The following DOCK7 variants were observed in gnomAD, a reference collection of about 807,000 sequenced individuals.
DOCK7 encodes the protein dedicator of cytokinesis protein 7.
A neutral mutation model predicts 271.0 loss-of-function variants in DOCK7; 138 were observed. The ratio of observed to expected loss-of-function variants is 0.51; its 90% CI spans 0.44 to 0.59. The LOEUF (loss-of-function observed/expected upper bound fraction) is 0.59. DOCK7 is among the 20% of genes least tolerant of loss of function. The probability of loss-of-function intolerance (pLI) is 0.00; values close to 1 mark genes in which losing one functional copy is unlikely to be tolerated. For synonymous variants in DOCK7, 823 were observed against 876.1 expected (o/e 0.94, Z 1.07); for missense variants, 2,066 against 2,592.4 (o/e 0.80, Z 4.41).
chr1:62,616,311 T>C (rs1263491012), intron 14 of DOCK7, among the ~76,000 whole-genome samples: 2 of 151,706 alleles, frequency 1.3e-5, no homozygotes, highest in African/African-American at 4.8e-5. Context: ...TCTTTTTCCA[T>C]TAATTCACAG....
At chr1:62,490,402 C>CT (rs1367742475) in intron 41 of DOCK7, among the ~76,000 whole-genome samples, 8 of 152,038 alleles carry the variant, frequency 5.3e-5, no homozygotes, top group Non-Finnish European at 8.8e-5. Context: ...TTGACCCAGC[C>CT]TTTATCTTTA....
intron 33 of DOCK7, among the ~76,000 whole-genome samples, chr1:62,511,887 A>T (rs1168044): frequency 6.6e-6 from 1 of 151,744 alleles, no homozygotes; most frequent in Non-Finnish European, 1.5e-5. Flanking sequence ...GTTAAGAAAA[A>T]GAAAACAATG....
intron 18 of DOCK7, among the ~76,000 whole-genome samples, chr1:62,573,818 C>T (rs1305213186): frequency 6.6e-6 from 1 of 151,954 alleles, no homozygotes; most frequent in Non-Finnish European, 1.5e-5. Flanking sequence ...TGTTCAGTCA[C>T]CCAGGCTGGA....
chr1:62,553,348 ATATATATTTT>A (rs1646009005), intron 21 of DOCK7, among the ~76,000 whole-genome samples: 1 of 22,620 alleles, frequency 4.4e-5, no homozygotes, highest in Admixed American at 8.2e-4. Flanking sequence ...ATATATATAT[ATATATATTTT>A]TTTTTTTTTT....
chr1:62,479,734 A>G, intron 43 of DOCK7: 2 of 385,610 alleles, frequency 5.2e-6, no homozygotes, highest in Non-Finnish European at 1.1e-5. Context: ...CCCAGACTGG[A>G]ATACAGTGGT....
At chr1:62,642,958 C>G (rs1656217969) in intron 7 of DOCK7, among the ~76,000 whole-genome samples, 1 of 152,104 alleles carries the variant, frequency 6.6e-6, no homozygotes, top group Admixed American at 6.6e-5. Context: ...TTCAGGCTAC[C>G]CTTGTGATTT....
At chr1:62,602,984 A>T (rs1374487984) in intron 14 of DOCK7, among the ~76,000 whole-genome samples, 1 of 151,736 alleles carries the variant, frequency 6.6e-6, no homozygotes, top group Non-Finnish European at 1.5e-5. Flanking sequence ...TCCATGAATG[A>T]TGTCTAAGTA....
intron 16 of DOCK7, 140 bp downstream of exon 16, chr1:62,583,044 G>A (rs1647185053): frequency 3.3e-6 from 2 of 604,914 alleles, no homozygotes; most frequent in Admixed American, 2.8e-5. Flanking sequence ...TGCATCCACA[G>A]GTTGAAAATT....
At chr1:62,477,387 C>G (rs555994537) in intron 44 of DOCK7, among the ~76,000 whole-genome samples, 44 of 152,200 alleles carry the variant, frequency 2.9e-4, no homozygotes, top group South Asian at 1.5e-3. Flanking sequence ...CTACTTAATT[C>G]TTTGTCTTTT....
chr1:62,553,312 T>TATATA (rs1553168301), intron 21 of DOCK7, among the ~76,000 whole-genome samples: 5 of 20,584 alleles, frequency 2.4e-4, no homozygotes, highest in African/African-American at 1.0e-3. Flanking sequence ...AAAAAGTATT[T>TATATA]TATATATATA....
intron 42 of DOCK7, chr1:62,488,606 G>C (rs1159612306): frequency 4.0e-6 from 1 of 250,936 alleles, no homozygotes; most frequent in East Asian, 1.1e-4. Flanking sequence ...CAAAGGAATA[G>C]GTATCAATTT....
intron 14 of DOCK7, among the ~76,000 whole-genome samples, chr1:62,614,164 C>T (rs573301954): frequency 6.6e-6 from 1 of 152,122 alleles, no homozygotes; most frequent in African/African-American, 2.4e-5. Context: ...TTATCATCAC[C>T]ATGATCCAGC....
chr1:62,666,320 CAT>C (rs1162609501), intron 1 of DOCK7, among the ~76,000 whole-genome samples: 2 of 151,962 alleles, frequency 1.3e-5, no homozygotes, highest in Non-Finnish European at 1.5e-5. Flanking sequence ...AATAATGAAA[CAT>C]AGTTACTTCA....
chr1:62,652,648 G>C (rs1449467383), intron 4 of DOCK7, among the ~76,000 whole-genome samples: 1 of 152,110 alleles, frequency 6.6e-6, no homozygotes, highest in Non-Finnish European at 1.5e-5. Context: ...AGAAGTAGCA[G>C]ATTTCCATGA....
chr1:62,540,315 A>G (rs1645487924), intron 25 of DOCK7, among the ~76,000 whole-genome samples: 1 of 152,060 alleles, frequency 6.6e-6, no homozygotes, highest in Non-Finnish European at 1.5e-5. Context: ...CTAGGACTAC[A>G]GGTGCACACT....
At position 62,496,585 on chromosome 1, in the gene DOCK7, G is replaced by A. The variant is rs1297638203; in HGVS notation, c.4765-88C>T. ...TTTCCTTGCTAAAAGTATATTTAGT[G>A]AAAAAATACCATTCTAAGCAAAATA... is the stretch of plus-strand genomic sequence containing the variant. On this transcript the variant is annotated intron_variant, in intron 37 of 49. Transcript: ENST00000635253. 2.6e-5 allele frequency: 32 copies of A among 1,238,840 alleles called. No individual in the cohort carries two copies. In the East Asian group the frequency reaches 7.1e-4, roughly 27 times the overall value. The allele number at this position is 1,238,840 out of a possible 1,614,324, so 76.7% of individuals were successfully genotyped here.
chr1:62,522,020 T>C (rs1260656963), intron 31 of DOCK7, among the ~76,000 whole-genome samples: 1 of 151,722 alleles, frequency 6.6e-6, no homozygotes, highest in Non-Finnish European at 1.5e-5. Context: ...ATACAATCAA[T>C]GTAAGAAGAA....
chr1:62,546,274 C>G (rs1190070879), intron 22 of DOCK7, among the ~76,000 whole-genome samples: 2 of 151,998 alleles, frequency 1.3e-5, no homozygotes, highest in Non-Finnish European at 2.9e-5. Flanking sequence ...TTAAATACTT[C>G]AAGAGAAAAT....
At chr1:62,654,645 G>A (rs1490889318) in intron 2 of DOCK7, among the ~76,000 whole-genome samples, 1 of 152,056 alleles carries the variant, frequency 6.6e-6, no homozygotes, top group Non-Finnish European at 1.5e-5. Flanking sequence ...CCTAACACAT[G>A]GGCCCTGTAC....
Sources: gnomAD v4.1 joint callset for allele counts (sites outside exome capture counted in the v4.1 genomes callset) on GRCh38, gnomAD v4.1.1 for gene constraint, MANE v1.5 for transcripts, NCBI Gene and HGNC (gene_info 2026-07-23, HGNC 2026-07-21) for gene names.